SGCE: variants seen among roughly 807,000 people sequenced by gnomAD.
SGCE encodes epsilon-sarcoglycan.
Under a neutral mutation model 57.8 loss-of-function variants are expected in SGCE, and 26 were observed. The observed-to-expected ratio is 0.45, with a 90% confidence interval of 0.33 to 0.62. The LOEUF (loss-of-function observed/expected upper bound fraction) is 0.62, where lower values mean the gene tolerates loss of function less well. Among genes scored for constraint, SGCE ranks in the 20% least tolerant of loss-of-function variants. The probability of loss-of-function intolerance (pLI) is 0.02; values close to 1 mark genes in which losing one functional copy is unlikely to be tolerated. For synonymous variants in SGCE, 183 were observed against 189.5 expected (o/e 0.97, Z 0.28); for missense variants, 468 against 548.6 (o/e 0.85, Z 1.47).
At chr7:94,606,520 C>T (rs1018414003) in intron 5 of SGCE, among the ~76,000 whole-genome samples, 15 of 152,126 alleles carry the variant, frequency 9.9e-5, no homozygotes, top group Non-Finnish European at 1.9e-4. Context: ...GATGAATCCA[C>T]TATTATAGCT....
At chr7:94,609,712 A>G (rs532699366) in intron 5 of SGCE, among the ~76,000 whole-genome samples, 2 of 152,358 alleles carry the variant, frequency 1.3e-5, no homozygotes, top group African/African-American at 4.8e-5. Flanking sequence ...GGCAATATCA[A>G]ATGCTGGCAA....
intron 1 of SGCE, among the ~76,000 whole-genome samples, chr7:94,639,736 A>G (rs1806112731): frequency 6.6e-6 from 1 of 152,222 alleles, no homozygotes; most frequent in Admixed American, 6.5e-5. Context: ...ACACACATAT[A>G]TAATAAATCA....
At chr7:94,613,925 G>T (rs1355780042) in intron 5 of SGCE, among the ~76,000 whole-genome samples, 3 of 151,818 alleles carry the variant, frequency 2.0e-5, no homozygotes, top group African/African-American at 7.3e-5. Flanking sequence ...CAATCAAAAA[G>T]TAAGATACAA....
intron 3 of SGCE, chr7:94,623,883 CTT>C: frequency 2.8e-6 from 1 of 356,816 alleles, no homozygotes. Flanking sequence ...ATAAATAACC[CTT>C]TGGAAATCAT....
rs1799603436 is a variant in SGCE at position 94,603,540 on chromosome 7, T to C, written c.663-88A>G. The C allele has an allele frequency of 6.2e-6, 8 of 1,286,494 alleles. No homozygotes were observed. The East Asian group carries it at 1.7e-4, about 28-fold the overall frequency. 79.7% of individuals were successfully genotyped at this position (1,286,494 alleles called of 1,614,324 possible). ...CACCTTAAAAGCAGGATTTAGCCTT[T>C]TGAATTGAGAGATTAACTAGACTCA... On this transcript the variant is annotated intron_variant, in intron 5 of 10. Coordinates refer to ENST00000648936, the MANE Select transcript of SGCE (RefSeq NM_003919.3).
chr7:94,639,585 A>G (rs1474550266), intron 1 of SGCE: 3 of 611,736 alleles, frequency 4.9e-6, no homozygotes, highest in South Asian at 2.0e-5. Context: ...TAGTCAGCAA[A>G]TATTTGTTGT....
At chr7:94,623,270 A>G (rs1236137375) in intron 4 of SGCE, 55 bp downstream of exon 4, 1 of 1,113,016 alleles carries the variant, frequency 9.0e-7, no homozygotes, top group Non-Finnish European at 1.3e-6. Context: ...TAGTTATAAA[A>G]CATAATGAAA....
At position 94,587,745 on chromosome 7, in the gene SGCE, T is replaced by C. The variant is rs953186308; in HGVS notation, c.1297+944A>G. The C allele has an allele frequency of 4.6e-6, 7 of 1,534,206 alleles. 1 individual carries two copies. The highest frequency in any genetic ancestry group is 6.1e-6 in the Non-Finnish European group (7 of 1,141,866). ...AAAAATTCTGATAAACATCTTGTAA[T>C]TGAAATCTGATGAACAATTTCATTA... On this transcript the variant is annotated intron_variant, in intron 10 of 10. Coordinates refer to ENST00000648936, the MANE Select transcript of SGCE (RefSeq NM_003919.3).
At position 94,602,394 on chromosome 7, in the gene SGCE, T is replaced by C. The variant is rs535744888; in HGVS notation, c.825+896A>G. ...GCTAAGTGTTGCAATGTGAGTAATATGTTCTCCAGGATGCAGCTGGCTCTC... is the reference window on the plus strand; with the variant it reads ...GCTAAGTGTTGCAATGTGAGTAATACGTTCTCCAGGATGCAGCTGGCTCTC... On this transcript the variant is annotated intron_variant, in intron 6 of 10. Transcript: ENST00000648936. Among the ~76,000 whole-genome samples, 21 of 152,278 alleles carry C rather than the reference T, an allele frequency of 1.4e-4. No homozygotes were observed. In the East Asian group the frequency reaches 4.1e-3, roughly 29 times the overall value.
chr7:94,598,853 G>A lies in SGCE; in HGVS notation c.1175C>T (p.Pro392Leu). ...WPLSTLPVFH[P>L]VTGEIIPPLH... ...AGGAGGTATGATTTCCCCAGTCACA[G>A]GGTGGAACACAGGAAGCGTTGACAG... The change falls in exon 9 of 11, where the codon CCT becomes CTT. Residue 392 changes from proline (P) to leucine (L), a missense_variant. Transcript: ENST00000648936. The A allele has an allele frequency of 6.2e-7, 1 of 1,612,844 alleles. No individual in the cohort carries two copies. Among genetic ancestry groups the A allele is most frequent in the Non-Finnish European group, 8.5e-7 (1 of 1,178,840 alleles).
At chr7:94,586,061 G>GAAAAAAAAAAAAA (rs780812386) in intron 10 of SGCE, among the ~76,000 whole-genome samples, 37 of 28,906 alleles carry the variant, frequency 1.3e-3, no homozygotes, top group Admixed American at 2.1e-3. Flanking sequence ...GGAACTAAAT[G>GAAAAAAAAAAAAA]AAAAAAAAAA....
chr7:94,592,989 A>G (rs1797902571), intron 9 of SGCE, among the ~76,000 whole-genome samples: 1 of 152,126 alleles, frequency 6.6e-6, no homozygotes, highest in Non-Finnish European at 1.5e-5. Context: ...GCTGCCTGAT[A>G]CTTCTCAACA....
chr7:94,648,621 T>G (rs549160919), intron 1 of SGCE, among the ~76,000 whole-genome samples: 2 of 152,304 alleles, frequency 1.3e-5, no homozygotes, highest in South Asian at 2.1e-4. Flanking sequence ...TCGGCAGTAC[T>G]GGTCTTTCAT....
At chr7:94,588,372 C>T in intron 10 of SGCE, 1 of 1,143,080 alleles carries the variant, frequency 8.7e-7, no homozygotes, top group Non-Finnish European at 1.1e-6. Flanking sequence ...TGCATCCAAG[C>T]TAAGAATCTT....
At chr7:94,611,641 G>T (rs1243698348) in intron 5 of SGCE, among the ~76,000 whole-genome samples, 9 of 152,122 alleles carry the variant, frequency 5.9e-5, no homozygotes, top group African/African-American at 2.2e-4. Context: ...TAGGTGCATT[G>T]TATGATATGT....
intron 1 of SGCE, among the ~76,000 whole-genome samples, chr7:94,648,685 A>G (rs1056042926): frequency 1.3e-5 from 2 of 152,222 alleles, no homozygotes; most frequent in African/African-American, 4.8e-5. Flanking sequence ...TGCTACACTG[A>G]TTAACTATTT....
chr7:94,585,486 C>G lies in SGCE; in HGVS notation c.*13G>C. 1 of 1,606,810 alleles carries G rather than the reference C, an allele frequency of 6.2e-7. No individual in the cohort carries two copies. The highest frequency in any genetic ancestry group is 8.5e-7 in the Non-Finnish European group (1 of 1,173,542). ...CTGATTATAAATTCATTGCTTCAGTCAGTTTTCTTTCTTCAGGGATACCAT... is the reference window on the plus strand; with the variant it reads ...CTGATTATAAATTCATTGCTTCAGTGAGTTTTCTTTCTTCAGGGATACCAT... On this transcript the variant is annotated 3_prime_UTR_variant, in exon 11 of 11. Coordinates refer to ENST00000648936, the MANE Select transcript of SGCE (RefSeq NM_003919.3).
chr7:94,598,413 C>T (rs1057161667), intron 9 of SGCE: 28 of 246,274 alleles, frequency 1.1e-4, no homozygotes, highest in African/African-American at 6.1e-4. Flanking sequence ...AGGTTTAAAC[C>T]AAATAATTCT....
intron 5 of SGCE, chr7:94,616,744 C>T (rs768745663): frequency 7.9e-5 from 12 of 151,868 alleles, no homozygotes; most frequent in East Asian, 3.9e-4. Flanking sequence ...TCATTTGCAG[C>T]GACAAACTTT....
Sources: allele counts gnomAD v4.1 joint callset (sites outside exome capture counted in the v4.1 genomes callset), GRCh38; gene constraint gnomAD v4.1.1; transcripts MANE v1.5; gene names NCBI Gene and HGNC (gene_info 2026-07-23, HGNC 2026-07-21).